The following SENP7 variants were observed in gnomAD, a reference collection of about 807,000 sequenced individuals.
SENP7 encodes the protein sentrin-specific protease 7.
SENP7 carries 64 observed loss-of-function variants against 141.2 expected under a neutral mutation model. The observed-to-expected ratio is 0.45, with a 90% CI of 0.37 to 0.56. The LOEUF (loss-of-function observed/expected upper bound fraction) is 0.56, where lower values mean the gene tolerates loss of function less well. Among genes scored for constraint, SENP7 ranks in the 20% least tolerant of loss-of-function variants. The pLI, the probability that SENP7 is intolerant of heterozygous loss-of-function variation, is 0.00. For missense variants in SENP7, 1,025 were observed against 1,212.2 expected, an observed-to-expected ratio of 0.85 and a Z score of 2.29; for synonymous variants, 382 against 426.4, an observed-to-expected ratio of 0.90 and a Z score of 1.28.
At chr3:101,361,107 A>C (rs1332138335) in intron 11 of SENP7, among the ~76,000 whole-genome samples, 1 of 152,030 alleles carries the variant, frequency 6.6e-6, no homozygotes, top group African/African-American at 2.4e-5. Context: ...CGGGAGGCTG[A>C]GGCACAAGAA....
At chr3:101,362,884 C>A (rs1040609023) in intron 10 of SENP7, among the ~76,000 whole-genome samples, 1 of 152,168 alleles carries the variant, frequency 6.6e-6, no homozygotes, top group African/African-American at 2.4e-5. Flanking sequence ...GCAATATCAG[C>A]AGCAACTCTT....
chr3:101,329,186 G>C (rs932597694), intron 20 of SENP7, among the ~76,000 whole-genome samples: 3 of 152,098 alleles, frequency 2.0e-5, no homozygotes, highest in African/African-American at 7.2e-5. Flanking sequence ...ATTTAATGCA[G>C]ACCTTCTCAG....
chr3:101,443,046 A>C (rs966786760), intron 4 of SENP7, among the ~76,000 whole-genome samples: 1 of 152,184 alleles, frequency 6.6e-6, no homozygotes, highest in Non-Finnish European at 1.5e-5. Context: ...CTGAATGGTA[A>C]TGCCGAGGTT....
chr3:101,473,809 C>T (rs758223921), intron 3 of SENP7, among the ~76,000 whole-genome samples: 3 of 152,102 alleles, frequency 2.0e-5, no homozygotes, highest in Admixed American at 6.6e-5. Context: ...AATCTTTGCA[C>T]GTGCCTATCT....
At chr3:101,485,425 C>T (rs1185536042) in intron 3 of SENP7, among the ~76,000 whole-genome samples, 3 of 152,172 alleles carry the variant, frequency 2.0e-5, no homozygotes, top group Admixed American at 6.5e-5. Context: ...CGATGACTCA[C>T]ATCACAGGAC....
At chr3:101,393,455 A>G (rs1322322426) in intron 6 of SENP7, among the ~76,000 whole-genome samples, 1 of 152,228 alleles carries the variant, frequency 6.6e-6, no homozygotes, top group Non-Finnish European at 1.5e-5. Context: ...GGATACGTAC[A>G]TATCTAAAAT....
intron 8 of SENP7, 22 bp from the exon 9 acceptor site, chr3:101,366,791 A>G: frequency 4.7e-6 from 7 of 1,492,786 alleles, no homozygotes; most frequent in Non-Finnish European, 6.3e-6. Flanking sequence ...CACATAGAAA[A>G]AAATAGCATT....
chr3:101,363,467 G>A (rs541111379), intron 10 of SENP7, among the ~76,000 whole-genome samples: 8 of 151,258 alleles, frequency 5.3e-5, no homozygotes, highest in Non-Finnish European at 1.2e-4. Flanking sequence ...AGTATTGGCT[G>A]CTTGGTTGTG....
At chr3:101,367,753 C>A in intron 8 of SENP7, 77 bp downstream of exon 8, 3 of 893,406 alleles carry the variant, frequency 3.4e-6, no homozygotes, top group Non-Finnish European at 5.0e-6. Context: ...GCTAGAGGAA[C>A]ATTATTTGGC....
At chr3:101,478,984 T>A (rs9851641) in intron 3 of SENP7, among the ~76,000 whole-genome samples, 60,053 of 151,332 alleles carry the variant, frequency 0.4, 12,392 homozygotes, top group Admixed American at 0.54. Context: ...CAAAAAAAAA[T>A]TTGATAAAAT....
intron 4 of SENP7, among the ~76,000 whole-genome samples, chr3:101,426,132 C>A (rs985236230): frequency 1.3e-5 from 2 of 152,120 alleles, no homozygotes; most frequent in Non-Finnish European, 2.9e-5. Flanking sequence ...TCAGAGAGGC[C>A]AACATTCCCC....
At chr3:101,457,400 A>C (rs2063388251) in intron 4 of SENP7, 2 of 1,496,604 alleles carry the variant, frequency 1.3e-6, no homozygotes, top group African/African-American at 1.4e-5. Flanking sequence ...TGTCTACACC[A>C]AGCTGGTTTA....
chr3:101,482,306 C>T (rs2064523105), intron 3 of SENP7, among the ~76,000 whole-genome samples: 1 of 148,818 alleles, frequency 6.7e-6, no homozygotes, highest in African/African-American at 2.5e-5. Context: ...GAGCGAGACT[C>T]TGTCTCAACA....
intron 1 of SENP7, among the ~76,000 whole-genome samples, chr3:101,506,796 T>TA (rs1279333034): frequency 6.6e-6 from 1 of 152,264 alleles, no homozygotes; most frequent in Non-Finnish European, 1.5e-5. Context: ...CTCATGCCTA[T>TA]AATCCCAGCA....
chr3:101,457,871 C>A (rs1025213046), intron 4 of SENP7: 1 of 485,228 alleles, frequency 2.1e-6, no homozygotes. Context: ...GTGAAGCATG[C>A]AAAGTCTTCA....
intron 3 of SENP7, among the ~76,000 whole-genome samples, chr3:101,482,891 G>A (rs1210973418): frequency 6.6e-6 from 1 of 151,952 alleles, no homozygotes; most frequent in African/African-American, 2.4e-5. Flanking sequence ...AAAACCACAA[G>A]GAGATACCAT....
intron 5 of SENP7, among the ~76,000 whole-genome samples, chr3:101,401,895 G>C (rs1175220230): frequency 6.6e-6 from 1 of 151,562 alleles, no homozygotes; most frequent in African/African-American, 2.4e-5. Context: ...GAAGTGAGAG[G>C]ATCACTTTAG....
chr3:101,488,718 T>C (rs2064833463), intron 3 of SENP7, among the ~76,000 whole-genome samples: 1 of 152,204 alleles, frequency 6.6e-6, no homozygotes, highest in Admixed American at 6.5e-5. Context: ...AGCATGTGCC[T>C]GTAGTCCCAG....
intron 13 of SENP7, among the ~76,000 whole-genome samples, chr3:101,346,829 G>A (rs891745905): frequency 6.6e-6 from 1 of 151,848 alleles, no homozygotes; most frequent in African/African-American, 2.4e-5. Context: ...GGTTATGGGT[G>A]CACTAATATC....
Sources: allele counts gnomAD v4.1 joint callset (sites outside exome capture counted in the v4.1 genomes callset), GRCh38; gene constraint gnomAD v4.1.1; transcripts MANE v1.5; gene names NCBI Gene and HGNC (gene_info 2026-07-23, HGNC 2026-07-21).